The following DPRX variants were observed in gnomAD, a reference collection of about 807,000 sequenced individuals.
DPRX encodes divergent-paired related homeobox.
A neutral mutation model predicts 8.4 loss-of-function variants in DPRX; 11 were observed. That is an observed-to-expected ratio of 1.31 (90% CI 0.82 to 2.17). The LOEUF is 2.17. Ranked by LOEUF, DPRX falls within the 30% of genes most tolerant of loss-of-function variation. The pLI is 0.00. For synonymous variants in DPRX, 72 were observed against 87.0 expected (o/e 0.83, Z 0.96); for missense variants, 211 against 236.7 (o/e 0.89, Z 0.71).
the DPRX span, among the ~76,000 whole-genome samples, chr19:53,616,188 G>T: frequency 6.6e-6 from 1 of 151,956 alleles, no homozygotes; most frequent in African/African-American, 2.4e-5. Flanking sequence ...GGAGGCGGAG[G>T]TTGCAGTGAC....
exon 3 of DPRX, chr19:53,636,743 C>T: frequency 1.2e-6 from 2 of 1,614,150 alleles, no homozygotes; most frequent in Non-Finnish European, 1.7e-6. Context: ...ACCCAGATTG[C>T]CCAACGCTGC....
At chr19:53,616,051 G>A in the DPRX span, among the ~76,000 whole-genome samples, 9 of 152,026 alleles carry the variant, frequency 5.9e-5, no homozygotes, top group African/African-American at 1.7e-4. Flanking sequence ...TCAGCAGTTC[G>A]AGACCAGCCT....
At chr19:53,612,429 G>A in the DPRX span, among the ~76,000 whole-genome samples, 9 of 151,054 alleles carry the variant, frequency 6.0e-5, no homozygotes, top group Admixed American at 4.0e-4. Flanking sequence ...GGACGTGGCC[G>A]GGTGCAGTGG....
chr19:53,632,945 A>G lies in DPRX; in HGVS notation c.28+811A>G, dbSNP rs1260651175. 2.0e-5 allele frequency among the ~76,000 whole-genome samples: 3 copies of G among 152,252 alleles called. No individual in the cohort carries two copies. In the East Asian group the frequency reaches 5.8e-4, roughly 29 times the overall value. On this transcript the variant is annotated intron_variant, in intron 1 of 2. Transcript: ENST00000376650. ...CCAAGCTGGAAATCTCATGTTCATG[A>G]GCACTTACTAGACTCTGGAGCTGCT... is the stretch of plus-strand genomic sequence containing the variant.
the DPRX span, among the ~76,000 whole-genome samples, chr19:53,625,093 C>T: frequency 2.2e-5 from 3 of 136,190 alleles, no homozygotes; most frequent in African/African-American, 8.2e-5. Flanking sequence ...GACAGGGTCT[C>T]GCTCTGTCGC....
the DPRX span, chr19:53,603,225 G>A: frequency 4.5e-5 from 19 of 420,584 alleles, no homozygotes; most frequent in East Asian, 1.4e-4. Flanking sequence ...CCAAAAGTGC[G>A]CCTACTAAGA....
chr19:53,620,100 C>G, the DPRX span, among the ~76,000 whole-genome samples: 178 of 152,020 alleles, frequency 1.2e-3, 1 homozygote, highest in African/African-American at 3.9e-3. Flanking sequence ...GACAGGGTCT[C>G]GCTCTGTCCC....
the DPRX span, among the ~76,000 whole-genome samples, chr19:53,619,981 A>G: frequency 6.6e-6 from 1 of 152,034 alleles, no homozygotes; most frequent in Non-Finnish European, 1.5e-5. Context: ...ATCCCCTGTC[A>G]CAGAGATGAA....
At chr19:53,608,179 A>G in the DPRX span, 1 of 150,130 alleles carries the variant, frequency 6.7e-6, no homozygotes, top group Non-Finnish European at 1.5e-5. Flanking sequence ...TCAAAAAAAA[A>G]AAGTAAATAA....
the DPRX span, among the ~76,000 whole-genome samples, chr19:53,612,820 A>G: frequency 6.6e-6 from 1 of 152,192 alleles, no homozygotes; most frequent in African/African-American, 2.4e-5. Context: ...AAGGTCATAG[A>G]CTGCAGGGGT....
At chr19:53,636,314 C>G (rs576752851) in intron 2 of DPRX, among the ~76,000 whole-genome samples, 1 of 151,340 alleles carries the variant, frequency 6.6e-6, no homozygotes, top group African/African-American at 2.4e-5. Flanking sequence ...TGCAGTGAGC[C>G]GAGATGGTGC....
At chr19:53,607,946 A>G in the DPRX span, among the ~76,000 whole-genome samples, 132,795 of 151,160 alleles carry the variant, frequency 0.88, 58,635 homozygotes, top group East Asian at 0.98. Flanking sequence ...TCAGAGGTGG[A>G]CAGATCAATG....
the DPRX span, among the ~76,000 whole-genome samples, chr19:53,604,758 G>A: frequency 4.0e-5 from 6 of 151,716 alleles, no homozygotes; most frequent in South Asian, 4.2e-4. Context: ...CAGGAGAATC[G>A]CGTGGACCTG....
chr19:53,611,767 G>A, the DPRX span, among the ~76,000 whole-genome samples: 1 of 152,076 alleles, frequency 6.6e-6, no homozygotes, highest in Non-Finnish European at 1.5e-5. Context: ...AGGACTATGT[G>A]AAAAGTAAAG....
At chr19:53,608,364 T>C in the DPRX span, 3 of 152,204 alleles carry the variant, frequency 2.0e-5, no homozygotes, top group Non-Finnish European at 2.9e-5. Flanking sequence ...CCGGAGAAGA[T>C]GACGCAGCTC....
At chr19:53,634,153 G>T (rs547805151) in intron 1 of DPRX, among the ~76,000 whole-genome samples, 1 of 152,034 alleles carries the variant, frequency 6.6e-6, no homozygotes, top group African/African-American at 2.4e-5. Context: ...AGTCACGGCC[G>T]GGCACAGTGG....
chr19:53,631,652 C>G (rs142951299), upstream of DPRX, among the ~76,000 whole-genome samples: 6 of 151,742 alleles, frequency 4.0e-5, no homozygotes, highest in African/African-American at 1.5e-4. Context: ...CTCAGCTACT[C>G]GGGAGGCTGA....
At chr19:53,636,738 G>C in exon 3 of DPRX, 2 of 1,614,168 alleles carry the variant, frequency 1.2e-6, no homozygotes, top group Non-Finnish European at 1.7e-6. Context: ...ACACTACCCA[G>C]ATTGCCCAAC....
chr19:53,612,242 G>A, the DPRX span, among the ~76,000 whole-genome samples: 1 of 152,026 alleles, frequency 6.6e-6, no homozygotes, highest in Admixed American at 6.6e-5. Flanking sequence ...AAATGAGTGG[G>A]CATGGTGGCA....
Sources: gnomAD v4.1 joint callset for allele counts (sites outside exome capture counted in the v4.1 genomes callset) on GRCh38, gnomAD v4.1.1 for gene constraint, MANE v1.5 for transcripts, NCBI Gene and HGNC (gene_info 2026-07-23, HGNC 2026-07-21) for gene names.